The following FAM117B variants were observed in gnomAD, a reference collection of about 807,000 sequenced individuals.
FAM117B encodes family with sequence similarity 117 member B, also known as protein FAM117B.
FAM117B carries 22 observed loss-of-function variants against 52.8 expected under a neutral mutation model. The ratio of observed to expected loss-of-function variants is 0.42; its 90% CI spans 0.30 to 0.59. The LOEUF (loss-of-function observed/expected upper bound fraction) is 0.59. Among genes scored for constraint, FAM117B ranks in the 20% least tolerant of loss-of-function variants. The pLI is 0.22. For synonymous variants in FAM117B, 309 were observed against 324.1 expected (o/e 0.95, Z 0.50); for missense variants, 678 against 802.6 (o/e 0.84, Z 1.88).
At chr2:202,710,428 A>G (rs1690939231) in intron 2 of FAM117B, among the ~76,000 whole-genome samples, 1 of 152,050 alleles carries the variant, frequency 6.6e-6, no homozygotes, top group South Asian at 2.1e-4. Flanking sequence ...TTATACACAT[A>G]GGTGTATATA....
At chr2:202,660,415 G>C (rs141811270) in intron 1 of FAM117B, among the ~76,000 whole-genome samples, 14 of 152,212 alleles carry the variant, frequency 9.2e-5, no homozygotes, top group African/African-American at 3.4e-4. Flanking sequence ...AGTCTTTGCA[G>C]TACTATTTGG....
At chr2:202,645,067 T>C (rs1689839198) in intron 1 of FAM117B, among the ~76,000 whole-genome samples, 1 of 152,202 alleles carries the variant, frequency 6.6e-6, no homozygotes, top group Non-Finnish European at 1.5e-5. Context: ...ATCTGTAATT[T>C]AACAATTTCT....
chr2:202,636,155 G>C (rs1272504868), intron 1 of FAM117B, among the ~76,000 whole-genome samples: 1 of 152,238 alleles, frequency 6.6e-6, no homozygotes, highest in Non-Finnish European at 1.5e-5. Context: ...GAGGCTAGGA[G>C]TGGTTTGTCA....
At chr2:202,664,142 CTAAT>C (rs1198263069) in intron 1 of FAM117B, among the ~76,000 whole-genome samples, 1 of 152,164 alleles carries the variant, frequency 6.6e-6, no homozygotes, top group Non-Finnish European at 1.5e-5. Flanking sequence ...CAAATAATAA[CTAAT>C]TATCCCATGA....
intron 1 of FAM117B, among the ~76,000 whole-genome samples, chr2:202,679,154 T>C (rs1359204561): frequency 6.6e-6 from 1 of 152,192 alleles, no homozygotes; most frequent in Admixed American, 6.5e-5. Flanking sequence ...TCAAAAGATA[T>C]CATCAAACAA....
Position 202,687,710 on chromosome 2 carries a change from C to G in FAM117B, c.602-8171C>G, listed in dbSNP as rs542802411. On this transcript the variant is annotated intron_variant, in intron 1 of 7. Coordinates refer to ENST00000392238, the MANE Select transcript of FAM117B (RefSeq NM_173511.4). ...ACAGGCGTGAGTCACTGTACCCAGC[C>G]TGGTACATTGTTTTTTATGTAAATG... Among the ~76,000 whole-genome samples the G allele has an allele frequency of 3.3e-5, 5 of 152,274 alleles. No individual in the cohort carries two copies. The South Asian group carries it at 1.0e-3, about 32-fold the overall frequency.
chr2:202,726,056 A>G (rs745671730), intron 3 of FAM117B, among the ~76,000 whole-genome samples, 194 bp from the exon 4 acceptor site: 29 of 152,212 alleles, frequency 1.9e-4, no homozygotes, highest in Non-Finnish European at 3.5e-4. Flanking sequence ...GCTGAGAACA[A>G]TGTTGGAACA....
intron 4 of FAM117B, among the ~76,000 whole-genome samples, chr2:202,745,603 C>G (rs1691619331): frequency 6.6e-6 from 1 of 152,138 alleles, no homozygotes; most frequent in Non-Finnish European, 1.5e-5. Flanking sequence ...AAGTTCTTAC[C>G]TATCAACAAC....
At position 202,755,710 on chromosome 2, in the gene FAM117B, C is replaced by G. The variant is rs780041531; in HGVS notation, c.1104+29C>G. ...AGTGATCTTGTATCTTAAAATCATT[C>G]TTGAACTCTTATAATTATTAAAAAT... On this transcript the variant is annotated intron_variant, in intron 5 of 7. Coordinates refer to ENST00000392238, the MANE Select transcript of FAM117B (RefSeq NM_173511.4). The G allele has an allele frequency of 2.5e-6, 4 of 1,588,838 alleles. No homozygotes were observed. In the South Asian group the frequency reaches 4.6e-5, roughly 18 times the overall value.
chr2:202,727,560 G>T (rs1327940215), intron 4 of FAM117B, among the ~76,000 whole-genome samples: 1 of 152,076 alleles, frequency 6.6e-6, no homozygotes, highest in African/African-American at 2.4e-5. Flanking sequence ...AATACAGTAT[G>T]ACAACTATTT....
At chr2:202,736,171 G>A (rs1000815679) in intron 4 of FAM117B, among the ~76,000 whole-genome samples, 59 of 152,230 alleles carry the variant, frequency 3.9e-4, no homozygotes, top group African/African-American at 1.4e-3. Context: ...TAAAATCTTG[G>A]GATGTCAGTC....
At chr2:202,691,684 T>C (rs1330045210) in intron 1 of FAM117B, among the ~76,000 whole-genome samples, 2 of 150,188 alleles carry the variant, frequency 1.3e-5, no homozygotes, top group African/African-American at 2.5e-5. Context: ...TGTGTGTGTG[T>C]GTGTGTGTGT....
At chr2:202,710,058 G>A (rs1690934585) in intron 2 of FAM117B, among the ~76,000 whole-genome samples, 1 of 152,120 alleles carries the variant, frequency 6.6e-6, no homozygotes, top group South Asian at 2.1e-4. Flanking sequence ...AAATCGAGAA[G>A]TATGATGCCT....
At chr2:202,747,523 C>A (rs1039962127) in intron 4 of FAM117B, among the ~76,000 whole-genome samples, 7 of 151,834 alleles carry the variant, frequency 4.6e-5, no homozygotes, top group Admixed American at 6.6e-5. Flanking sequence ...AAAAACCTAC[C>A]CATTCCAATT....
intron 7 of FAM117B, 121 bp downstream of exon 7, chr2:202,759,474 C>G (rs1409148894): frequency 1.6e-6 from 2 of 1,275,710 alleles, no homozygotes; most frequent in Non-Finnish European, 2.1e-6. Flanking sequence ...ACACTGCAAC[C>G]TCTACCTCCT....
At chr2:202,703,351 T>C (rs1442085027) in intron 2 of FAM117B, among the ~76,000 whole-genome samples, 1 of 152,234 alleles carries the variant, frequency 6.6e-6, no homozygotes, top group Non-Finnish European at 1.5e-5. Context: ...TGTATTGAAC[T>C]TAATTCCATC....
chr2:202,742,480 C>T (rs1247551674), intron 4 of FAM117B, among the ~76,000 whole-genome samples: 5 of 152,098 alleles, frequency 3.3e-5, no homozygotes, highest in Non-Finnish European at 7.4e-5. Flanking sequence ...TGGGACAAGT[C>T]GTAGCCATTT....
intron 1 of FAM117B, among the ~76,000 whole-genome samples, chr2:202,636,043 A>G (rs1689681754): frequency 1.5e-5 from 2 of 134,226 alleles, no homozygotes; most frequent in South Asian, 5.3e-4. Context: ...GTGGAGGTGC[A>G]GCGGCTAAAC....
Position 202,744,163 on chromosome 2 carries a change from C to T in FAM117B, c.961-11375C>T, listed in dbSNP as rs185192535. Among the ~76,000 whole-genome samples, 6 of 149,550 alleles carry T rather than the reference C, an allele frequency of 4.0e-5. No individual in the cohort carries two copies. In the South Asian group the frequency reaches 6.4e-4, roughly 16 times the overall value. ...AAGAGAATCCCCGTCTGTCTTAGTT[C>T]GTTTGTGTTTCTGTAAAAGAATACC... On this transcript the variant is annotated intron_variant, in intron 4 of 7. Coordinates refer to ENST00000392238, the MANE Select transcript of FAM117B (RefSeq NM_173511.4).
Sources: gnomAD v4.1 joint callset for allele counts (sites outside exome capture counted in the v4.1 genomes callset) on GRCh38, gnomAD v4.1.1 for gene constraint, MANE v1.5 for transcripts, NCBI Gene and HGNC (gene_info 2026-07-23, HGNC 2026-07-21) for gene names.